Variants in FAF1 observed in about 807,000 individuals in gnomAD.
FAF1 encodes Fas associated factor 1.
FAF1 carries 25 observed loss-of-function variants against 92.5 expected under a neutral mutation model. That is an observed-to-expected ratio of 0.27 (90% CI 0.20 to 0.38). The LOEUF is 0.38. Ranked by LOEUF, FAF1 falls within the 10% of genes least tolerant of loss-of-function variation. The pLI, the probability that FAF1 is intolerant of heterozygous loss-of-function variation, is 1.00. For synonymous variants in FAF1, 234 were observed against 273.2 expected, an observed-to-expected ratio of 0.86 and a Z score of 1.42; for missense variants, 636 against 793.3, an observed-to-expected ratio of 0.80 and a Z score of 2.38.
At chr1:50,562,296 A>G (rs1649955789) in intron 13 of FAF1, among the ~76,000 whole-genome samples, 1 of 152,206 alleles carries the variant, frequency 6.6e-6, no homozygotes, top group South Asian at 2.1e-4. Context: ...TTAACAAAAC[A>G]TCTTCTTTGG....
chr1:50,587,654 C>T (rs1488175215), intron 9 of FAF1, among the ~76,000 whole-genome samples: 1 of 152,140 alleles, frequency 6.6e-6, no homozygotes, highest in East Asian at 1.9e-4. Context: ...ATGCTTATTG[C>T]ATTCATTTAT....
chr1:50,540,628 A>G (rs1648714946), intron 13 of FAF1, among the ~76,000 whole-genome samples: 1 of 152,230 alleles, frequency 6.6e-6, no homozygotes, highest in South Asian at 2.1e-4. Context: ...AAAAACTGAT[A>G]AAGCTTTTCT....
At position 50,678,932 on chromosome 1, in the gene FAF1, A is replaced by G. The variant is rs372971721; in HGVS notation, c.658-23404T>C. On this transcript the variant is annotated intron_variant, in intron 7 of 18. Coordinates refer to ENST00000396153, the MANE Select transcript of FAF1 (RefSeq NM_007051.3). ...GAAACCCCATCTCTACTAAAAATAC[A>G]AAAAAGTAGCCAGGCGTGGTGGCAG... Among the ~76,000 whole-genome samples, 29 of 149,908 alleles carry G rather than the reference A, an allele frequency of 1.9e-4. 1 individual carries two copies. The South Asian group carries it at 5.5e-3, about 29-fold the overall frequency.
chr1:50,535,751 A>G (rs1366118752), intron 14 of FAF1, among the ~76,000 whole-genome samples: 3 of 152,228 alleles, frequency 2.0e-5, no homozygotes, highest in Admixed American at 1.3e-4. Context: ...GAAGTTCAAA[A>G]GTTCTGTCAA....
At chr1:50,496,096 GATTAGT>G (rs917329799) in intron 15 of FAF1, among the ~76,000 whole-genome samples, 1 of 152,112 alleles carries the variant, frequency 6.6e-6, no homozygotes, top group African/African-American at 2.4e-5. Flanking sequence ...TAGTGTTAAA[GATTAGT>G]AATCATCAGT....
chr1:50,555,646 T>C (rs1405328817), intron 13 of FAF1, among the ~76,000 whole-genome samples: 2 of 152,086 alleles, frequency 1.3e-5, no homozygotes, highest in East Asian at 3.9e-4. Flanking sequence ...AAAAAGGAAC[T>C]CTTATACACT....
At chr1:50,586,863 T>C (rs565361917) in intron 9 of FAF1, among the ~76,000 whole-genome samples, 46 of 152,322 alleles carry the variant, frequency 3.0e-4, no homozygotes, top group African/African-American at 1.1e-3. Flanking sequence ...TAGTCTTAAA[T>C]AGGTAAAGGC....
At chr1:50,751,084 T>C (rs1420752470) in intron 4 of FAF1, among the ~76,000 whole-genome samples, 3 of 142,592 alleles carry the variant, frequency 2.1e-5, no homozygotes, top group African/African-American at 7.8e-5. Flanking sequence ...AAACAAGCTG[T>C]ACATCCCCAT....
At chr1:50,695,582 A>C (rs1255614596) in intron 7 of FAF1, among the ~76,000 whole-genome samples, 1 of 152,176 alleles carries the variant, frequency 6.6e-6, no homozygotes, top group Non-Finnish European at 1.5e-5. Context: ...TAAAATCTAT[A>C]AAATGGAGGG....
chr1:50,645,298 A>C (rs564627028), intron 8 of FAF1, among the ~76,000 whole-genome samples: 62 of 152,266 alleles, frequency 4.1e-4, no homozygotes, highest in Non-Finnish European at 6.9e-4. Flanking sequence ...TATTCAAAGA[A>C]TGCTTCTGAT....
chr1:50,564,823 T>C (rs1002152762), intron 13 of FAF1, among the ~76,000 whole-genome samples: 1 of 152,156 alleles, frequency 6.6e-6, no homozygotes, highest in African/African-American at 2.4e-5. Context: ...CAGTTTCATA[T>C]GTCAAAGTCA....
chr1:50,808,113 A>G (rs536976470), intron 2 of FAF1, among the ~76,000 whole-genome samples: 9 of 152,330 alleles, frequency 5.9e-5, no homozygotes, highest in Non-Finnish European at 1.2e-4. Context: ...AGCATTCTTA[A>G]AGAAAAAAAA....
chr1:50,885,140 T>C (rs573066888), intron 1 of FAF1, among the ~76,000 whole-genome samples: 1 of 152,314 alleles, frequency 6.6e-6, no homozygotes. Flanking sequence ...TCTGATTTTA[T>C]TTATTTGGGT....
At chr1:50,562,644 C>T (rs1649977848) in intron 13 of FAF1, among the ~76,000 whole-genome samples, 1 of 152,208 alleles carries the variant, frequency 6.6e-6, no homozygotes, top group Admixed American at 6.5e-5. Flanking sequence ...TTCATCTATA[C>T]TCCTAAAGTA....
At chr1:50,540,999 A>T (rs1291824434) in intron 13 of FAF1, among the ~76,000 whole-genome samples, 1 of 152,214 alleles carries the variant, frequency 6.6e-6, no homozygotes, top group African/African-American at 2.4e-5. Flanking sequence ...CTAGCTGATG[A>T]GCAAAGTCCT....
chr1:50,869,182 T>C (rs919876129), intron 1 of FAF1, among the ~76,000 whole-genome samples: 1 of 152,174 alleles, frequency 6.6e-6, no homozygotes, highest in African/African-American at 2.4e-5. Context: ...GGTATTAATA[T>C]TGTCATCTAG....
intron 7 of FAF1, among the ~76,000 whole-genome samples, chr1:50,696,267 G>A (rs1452098344): frequency 6.6e-6 from 1 of 152,076 alleles, no homozygotes; most frequent in Non-Finnish European, 1.5e-5. Flanking sequence ...GTAACTTAAT[G>A]CTACATATCC....
chr1:50,796,472 A>G (rs1661755342), intron 3 of FAF1, among the ~76,000 whole-genome samples: 1 of 152,200 alleles, frequency 6.6e-6, no homozygotes. Flanking sequence ...CTGAGCTACA[A>G]ATAAAGTTCT....
chr1:50,952,718 C>T (rs1357516244), intron 1 of FAF1, among the ~76,000 whole-genome samples: 1 of 151,484 alleles, frequency 6.6e-6, no homozygotes, highest in African/African-American at 2.4e-5. Context: ...CTCTGCCCCG[C>T]CACCCCGTCT....
Sources: allele counts gnomAD v4.1 joint callset (sites outside exome capture counted in the v4.1 genomes callset), GRCh38; gene constraint gnomAD v4.1.1; transcripts MANE v1.5; gene names NCBI Gene and HGNC (gene_info 2026-07-23, HGNC 2026-07-21).